The following DDX60 variants were observed in gnomAD, a reference collection of about 807,000 sequenced individuals.
DDX60 encodes DExD/H-box helicase 60, also known as probable ATP-dependent RNA helicase DDX60.
A neutral mutation model predicts 212.8 loss-of-function variants in DDX60; 165 were observed. That is an observed-to-expected ratio of 0.78 (90% confidence interval 0.68 to 0.88). The LOEUF (loss-of-function observed/expected upper bound fraction) is 0.88. DDX60 is among the 40% of genes least tolerant of loss of function. DDX60 has a pLI of 0.00. For synonymous variants in DDX60, 703 were observed against 685.3 expected (o/e 1.03, Z -0.40); for missense variants, 1,905 against 2,003.9 (o/e 0.95, Z 0.94).
chr4:168,302,169 C>T (rs752386602), intron 6 of DDX60, 131 bp downstream of exon 6: 88 of 459,328 alleles, frequency 1.9e-4, no homozygotes, highest in Middle Eastern at 5.8e-4. Context: ...ATAAATGTTC[C>T]GTGGTTATTT....
chr4:168,279,844 T>A (rs1261683787), intron 14 of DDX60, among the ~76,000 whole-genome samples: 1 of 152,114 alleles, frequency 6.6e-6, no homozygotes, highest in Admixed American at 6.5e-5. Flanking sequence ...TCAAATTACA[T>A]GGATATTAAA....
upstream of DDX60, among the ~76,000 whole-genome samples, chr4:168,319,165 A>C (rs539018453): frequency 6.6e-6 from 1 of 152,294 alleles, no homozygotes; most frequent in African/African-American, 2.4e-5. Context: ...ATTGTACCCC[A>C]AAAATATATA....
intron 3 of DDX60, among the ~76,000 whole-genome samples, chr4:168,309,237 T>A (rs989470401): frequency 2.0e-5 from 3 of 152,148 alleles, no homozygotes; most frequent in Non-Finnish European, 4.4e-5. Context: ...TATTGCAATA[T>A]CATAAACCCT....
At chr4:168,303,975 C>T (rs1736764324) in intron 5 of DDX60, among the ~76,000 whole-genome samples, 1 of 151,866 alleles carries the variant, frequency 6.6e-6, no homozygotes, top group Non-Finnish European at 1.5e-5. Flanking sequence ...GAGCAAGGCT[C>T]TGTCTCCAAA....
intron 6 of DDX60, among the ~76,000 whole-genome samples, chr4:168,297,722 G>A (rs1736467700): frequency 6.8e-6 from 1 of 146,900 alleles, no homozygotes; most frequent in East Asian, 2.0e-4. Flanking sequence ...TAGAAAACAT[G>A]ACAAAAGCTC....
chr4:168,292,369 AT>A (rs1170074301), intron 7 of DDX60, among the ~76,000 whole-genome samples: 1 of 151,954 alleles, frequency 6.6e-6, no homozygotes, highest in Non-Finnish European at 1.5e-5. Flanking sequence ...TTCATTCTAC[AT>A]TTTTTAAGAC....
At chr4:168,281,206 T>C (rs1735578817) in intron 13 of DDX60, among the ~76,000 whole-genome samples, 1 of 152,172 alleles carries the variant, frequency 6.6e-6, no homozygotes, top group Admixed American at 6.5e-5. Context: ...GCCTCTCTTT[T>C]CATTTCTCCA....
At chr4:168,253,593 G>T (rs1734300241) in intron 26 of DDX60, among the ~76,000 whole-genome samples, 1 of 152,108 alleles carries the variant, frequency 6.6e-6, no homozygotes, top group South Asian at 2.1e-4. Context: ...TCAAGGTGGG[G>T]CAATTCTCTG....
At chr4:168,235,111 C>A (rs1578979663) in intron 33 of DDX60, among the ~76,000 whole-genome samples, 1 of 151,898 alleles carries the variant, frequency 6.6e-6, no homozygotes, top group African/African-American at 2.4e-5. Flanking sequence ...GAAGGCAGAC[C>A]CAGATCCTTT....
At position 168,246,127 on chromosome 4, in the gene DDX60, C is replaced by T. The variant is rs183078253; in HGVS notation, c.4164+291G>A. 5.3e-5 allele frequency among the ~76,000 whole-genome samples: 8 copies of T among 152,078 alleles called. No homozygotes were observed. The East Asian group carries it at 1.5e-3, about 29-fold the overall frequency. On this transcript the variant is annotated intron_variant, in intron 30 of 37. Transcript: ENST00000393743. Reference sequence around the variant, plus strand: ...TTAGTCACCTAGAGCTTTTTAAATCCATAGCCAGCACTTAACTATTATAGG... The same window carrying T: ...TTAGTCACCTAGAGCTTTTTAAATCTATAGCCAGCACTTAACTATTATAGG...
intron 22 of DDX60, chr4:168,263,479 T>G (rs1258575838): frequency 6.6e-6 from 1 of 152,198 alleles, no homozygotes; most frequent in Non-Finnish European, 1.5e-5. Flanking sequence ...TCTGAGATGT[T>G]AATAGGAATG....
At chr4:168,219,385 T>C (rs1429280682) in intron 37 of DDX60, among the ~76,000 whole-genome samples, 1 of 152,084 alleles carries the variant, frequency 6.6e-6, no homozygotes, top group East Asian at 1.9e-4. Flanking sequence ...TGGATGAATG[T>C]GTGAATGATT....
chr4:168,322,551 T>TCAAG (rs10650140), upstream of DDX60, among the ~76,000 whole-genome samples: 11,872 of 152,214 alleles, frequency 0.078, 1,455 homozygotes, highest in African/African-American at 0.27. Context: ...ACTGAGCACA[T>TCAAG]CAAGACCCCA....
At chr4:168,253,360 C>G (rs1020464848) in intron 26 of DDX60, among the ~76,000 whole-genome samples, 1 of 152,136 alleles carries the variant, frequency 6.6e-6, no homozygotes, top group African/African-American at 2.4e-5. Flanking sequence ...CCTTGCTCCA[C>G]ATTGCCAATT....
Position 168,297,382 on chromosome 4 carries a change from GAGAA to G in DDX60, c.724-3441_724-3438del, listed in dbSNP as rs1378653476. 7.6e-3 allele frequency among the ~76,000 whole-genome samples: 301 copies of G among 39,844 alleles called. 11 individuals are homozygous for G. The highest frequency in any genetic ancestry group is 0.013 in the Middle Eastern group (1 of 80). 26.1% of individuals were successfully genotyped at this position (39,844 alleles called of 152,430 possible). A position where few individuals can be genotyped will look rare whatever the true frequency, so the allele number is the denominator to read the frequency against. On this transcript the variant is annotated intron_variant, in intron 6 of 37. Transcript: ENST00000393743. The stretch of plus-strand genomic sequence containing the variant: ...AGAAAGAAAGAAAGAAAGAAAGAAA[GAGAA>G]AGAAAGAAAGAAAGAAAGACAATAA...
chr4:168,293,043 C>A (rs1736177237), intron 7 of DDX60, among the ~76,000 whole-genome samples: 3 of 152,140 alleles, frequency 2.0e-5, no homozygotes, highest in South Asian at 4.2e-4. Flanking sequence ...GCCAAGAATC[C>A]CCCAGTAGGT....
rs72693161 is a variant in DDX60 at position 168,287,183 on chromosome 4, C to T, written c.1204G>A (p.Asp402Asn). ...NVKGLHLNLG[D>N]TIMKDYEYLW... is the part of the protein sequence containing the mutation. ...TATTCATAATCTTTCATAATGGTAT[C>T]TCCCAAATTCAAATGTAGGCCTACA... Residue 402 changes from aspartate to asparagine, a missense_variant, in exon 10 of 38, where the codon GAT (aspartate) becomes AAT (asparagine). Transcript: ENST00000393743. The T allele has an allele frequency of 0.042, 66,840 of 1,606,708 alleles. 1,560 individuals carry two copies. Among genetic ancestry groups the T allele is most frequent in the Non-Finnish European group, 0.049 (57,552 of 1,176,554 alleles).
At chr4:168,258,240 A>G (rs979225714) in intron 25 of DDX60, among the ~76,000 whole-genome samples, 12 of 152,148 alleles carry the variant, frequency 7.9e-5, no homozygotes, top group Non-Finnish European at 8.8e-5. Flanking sequence ...TTTAATTCTC[A>G]CTCCAATCCT....
chr4:168,236,828 T>C (rs1256600455), intron 32 of DDX60, among the ~76,000 whole-genome samples: 2 of 151,806 alleles, frequency 1.3e-5, no homozygotes, highest in Non-Finnish European at 3.0e-5. Context: ...TTAGGTATAC[T>C]ATACAATAAT....
Sources: allele counts gnomAD v4.1 joint callset (sites outside exome capture counted in the v4.1 genomes callset), GRCh38; gene constraint gnomAD v4.1.1; transcripts MANE v1.5; gene names NCBI Gene and HGNC (gene_info 2026-07-23, HGNC 2026-07-21).